Variants in GINS1 observed in about 807,000 individuals in gnomAD.
The protein encoded by GINS1 is GINS complex subunit 1, also known as DNA replication complex GINS protein PSF1.
In GINS1, 26 loss-of-function variants were observed where a neutral mutation model predicts 34.9. The observed-to-expected ratio is 0.74, with a 90% CI of 0.55 to 1.03. The LOEUF (loss-of-function observed/expected upper bound fraction) is 1.03. Among genes scored for constraint, GINS1 ranks in the 50% least tolerant of loss-of-function variants. The probability of loss-of-function intolerance (pLI) is 0.00; values close to 1 mark genes in which losing one functional copy is unlikely to be tolerated. For synonymous variants in GINS1, 97 were observed against 84.4 expected (o/e 1.15, Z -0.82); for missense variants, 235 against 237.9 (o/e 0.99, Z 0.08).
intron 6 of GINS1, 101 bp downstream of exon 6, chr20:25,441,877 T>TAAAAG: frequency 1.5e-6 from 1 of 656,246 alleles, no homozygotes. Flanking sequence ...TGATCGTTTA[T>TAAAAG]ATATTAGGCA....
rs575530128 is a variant in GINS1 at position 25,423,800 on chromosome 20, G to T, written c.331-1411G>T. Among the ~76,000 whole-genome samples the T allele has an allele frequency of 5.3e-5, 8 of 151,832 alleles. 1 individual carries two copies. The South Asian group carries it at 1.7e-3, about 32-fold the overall frequency. On this transcript the variant is annotated intron_variant, in intron 4 of 6. Transcript: ENST00000262460. ...GGCTAATTTTTTTGTATTTTTAGTAGAGACGGGGTTTCACCATGTTAGCCA... is the reference window on the plus strand; with the variant it reads ...GGCTAATTTTTTTGTATTTTTAGTATAGACGGGGTTTCACCATGTTAGCCA...
chr20:25,444,137 G>A (rs955900332), intron 6 of GINS1, among the ~76,000 whole-genome samples: 3 of 151,552 alleles, frequency 2.0e-5, no homozygotes, highest in African/African-American at 7.3e-5. Context: ...TCAGCCTCTC[G>A]AGTAGCTGGG....
intron 5 of GINS1, among the ~76,000 whole-genome samples, chr20:25,427,852 A>C (rs911683406): frequency 6.7e-5 from 9 of 133,482 alleles, no homozygotes; most frequent in Admixed American, 2.3e-4. Context: ...TAAAATTTTC[A>C]TGCAGCCCAG....
At chr20:25,427,470 C>T (rs2090398138) in intron 5 of GINS1, among the ~76,000 whole-genome samples, 2 of 152,158 alleles carry the variant, frequency 1.3e-5, no homozygotes, top group African/African-American at 2.4e-5. Flanking sequence ...AGGCATGAGT[C>T]ACCATGCCTG....
chr20:25,445,332 C>T (rs148880236), intron 6 of GINS1, among the ~76,000 whole-genome samples: 4,112 of 152,006 alleles, frequency 0.027, 175 homozygotes, highest in African/African-American at 0.09. Context: ...CAGGCATGCG[C>T]CACCACGCCT....
At chr20:25,409,184 A>G (rs1432806448) in intron 1 of GINS1, among the ~76,000 whole-genome samples, 5 of 152,236 alleles carry the variant, frequency 3.3e-5, no homozygotes, top group Non-Finnish European at 7.3e-5. Context: ...CACAGCCTAC[A>G]TGAATTTGTT....
chr20:25,421,853 A>T (rs1024637235), intron 4 of GINS1, among the ~76,000 whole-genome samples: 9 of 151,612 alleles, frequency 5.9e-5, no homozygotes, highest in South Asian at 2.1e-4. Context: ...GGTCTGTTAC[A>T]CTCTTCTCAG....
chr20:25,445,592 C>T (rs2090507563), intron 6 of GINS1, among the ~76,000 whole-genome samples: 1 of 152,192 alleles, frequency 6.6e-6, no homozygotes, highest in Admixed American at 6.5e-5. Flanking sequence ...CGTGATCCAC[C>T]CGCCTCGGCC....
At position 25,445,906 on chromosome 20, in the gene GINS1, C is replaced by G. The variant is rs912913861; in HGVS notation, c.523-17C>G. 2 of 1,511,190 alleles carry G rather than the reference C, an allele frequency of 1.3e-6. No homozygotes were observed. Among genetic ancestry groups the G allele is most frequent in the African/African-American group, 1.4e-5 (1 of 72,450 alleles). The allele number at this position is 1,511,190 out of a possible 1,614,324, so 93.6% of individuals were successfully genotyped here. On this transcript the variant is annotated splice_polypyrimidine_tract_variant and intron_variant, in intron 6 of 6. Coordinates refer to ENST00000262460, the MANE Select transcript of GINS1 (RefSeq NM_021067.5). The stretch of plus-strand genomic sequence containing the variant: ...TCATTTATTTTACTCTTTCTCCATC[C>G]CTTCTTGTCCCCTCAGCACTTTTTA...
Position 25,447,200 on chromosome 20 carries a change from T to C in GINS1, c.*1209T>C, listed in dbSNP as rs6050623. 0.46 allele frequency: 69,760 copies of C among 151,926 alleles called. 16,599 individuals are homozygous for C. The highest frequency in any genetic ancestry group is 0.92 in the East Asian group (4,738 of 5,162). 9.4% of individuals were successfully genotyped at this position (151,926 alleles called of 1,614,324 possible). On this transcript the variant is annotated 3_prime_UTR_variant, in exon 7 of 7. Transcript: ENST00000262460. ...GATTACAGGCACAGGCCGCCACGCC[T>C]GGCTAATTTTTGTATTTTTAGTAGA... is the stretch of plus-strand genomic sequence containing the variant.
Position 25,445,916 on chromosome 20 carries a change from C to T in GINS1, c.523-7C>T. 6.4e-7 allele frequency: 1 copy of T among 1,567,248 alleles called. No homozygotes were observed. Among genetic ancestry groups the T allele is most frequent in the South Asian group, 1.1e-5 (1 of 88,912 alleles). On this transcript the variant is annotated splice_region_variant and splice_polypyrimidine_tract_variant and intron_variant, in intron 6 of 6. Coordinates refer to ENST00000262460, the MANE Select transcript of GINS1 (RefSeq NM_021067.5). ...TACTCTTTCTCCATCCCTTCTTGTCCCCTCAGCACTTTTTACCTCGATGGA... is the reference window on the plus strand; with the variant it reads ...TACTCTTTCTCCATCCCTTCTTGTCTCCTCAGCACTTTTTACCTCGATGGA...
At chr20:25,444,883 A>G (rs2090502498) in intron 6 of GINS1, among the ~76,000 whole-genome samples, 2 of 152,224 alleles carry the variant, frequency 1.3e-5, no homozygotes, top group African/African-American at 4.8e-5. Context: ...ACCTTGAGAC[A>G]TACAGGAGGA....
chr20:25,434,170 G>T (rs1373493170), intron 5 of GINS1, among the ~76,000 whole-genome samples: 1 of 151,898 alleles, frequency 6.6e-6, no homozygotes, highest in African/African-American at 2.4e-5. Context: ...TGTAGTTTCA[G>T]CTACTCAGGA....
At chr20:25,414,368 T>G (rs765660979) in intron 2 of GINS1, among the ~76,000 whole-genome samples, 2 of 151,714 alleles carry the variant, frequency 1.3e-5, no homozygotes, top group Non-Finnish European at 2.9e-5. Flanking sequence ...CTGATAAGAG[T>G]TGAAAGGAAT....
At chr20:25,431,594 A>T in intron 5 of GINS1, among the ~76,000 whole-genome samples, 1 of 137,748 alleles carries the variant, frequency 7.3e-6, no homozygotes. Flanking sequence ...TTTTTGAGAC[A>T]GGATCTCACT....
rs146053479 is a variant in GINS1 at position 25,442,734 on chromosome 20, A to G, written c.522+958A>G. Among the ~76,000 whole-genome samples the G allele has an allele frequency of 7.9e-3, 1,197 of 151,624 alleles. 10 individuals carry two copies. The highest frequency in any genetic ancestry group is 0.012 in the Non-Finnish European group (836 of 67,904). Reference sequence around the variant, plus strand: ...GTGATCCCCCACCTCAGCCTCCCCAAGTAGCTGGACCACAGGCACACGCCA... The same window carrying G: ...GTGATCCCCCACCTCAGCCTCCCCAGGTAGCTGGACCACAGGCACACGCCA... On this transcript the variant is annotated intron_variant, in intron 6 of 6. Coordinates refer to ENST00000262460, the MANE Select transcript of GINS1 (RefSeq NM_021067.5).
chr20:25,424,048 T>C (rs2090376263), intron 4 of GINS1, among the ~76,000 whole-genome samples: 1 of 152,226 alleles, frequency 6.6e-6, no homozygotes, highest in Admixed American at 6.5e-5. Flanking sequence ...CCCAGCACCA[T>C]GTATTGAACA....
chr20:25,436,372 T>G (rs1364080744), intron 5 of GINS1, among the ~76,000 whole-genome samples: 1 of 152,222 alleles, frequency 6.6e-6, no homozygotes. Context: ...TTTATGTCTT[T>G]TATCAAATTT....
Position 25,407,686 on chromosome 20 carries a change from G to T in GINS1, c.-135G>T, listed in dbSNP as rs894508816. ...TTGGCTAGCTTTGTTCGGCGCCAAA[G>T]CGCGGAGCGGAGGCCGAGGCGAGAG... On this transcript the variant is annotated 5_prime_UTR_variant, in exon 1 of 7. Transcript: ENST00000262460. The T allele has an allele frequency of 8.4e-6, 6 of 718,446 alleles. No individual in the cohort carries two copies. The highest frequency in any genetic ancestry group is 3.5e-5 in the South Asian group (2 of 57,582). The allele number at this position is 718,446 out of a possible 1,614,324, so 44.5% of individuals were successfully genotyped here.
Sources: gnomAD v4.1 joint callset for allele counts (sites outside exome capture counted in the v4.1 genomes callset) on GRCh38, gnomAD v4.1.1 for gene constraint, MANE v1.5 for transcripts, NCBI Gene and HGNC (gene_info 2026-07-23, HGNC 2026-07-21) for gene names.